The following KLF12 variants were observed in gnomAD, a reference collection of about 807,000 sequenced individuals.
KLF12 encodes Krueppel-like factor 12.
In KLF12, 9 loss-of-function variants were observed where a neutral mutation model predicts 37.8. That is an observed-to-expected ratio of 0.24 (90% CI 0.14 to 0.42). The LOEUF (loss-of-function observed/expected upper bound fraction) is 0.42, where lower values mean the gene tolerates loss of function less well. Ranked by LOEUF, KLF12 falls within the 10% of genes least tolerant of loss-of-function variation. KLF12 has a pLI of 1.00. For missense variants in KLF12, 411 were observed against 516.0 expected (o/e 0.80, Z 1.97); for synonymous variants, 208 against 202.1 (o/e 1.03, Z -0.25).
At chr13:73,971,778 C>A (rs28444995) in intron 2 of KLF12, among the ~76,000 whole-genome samples, 7,939 of 152,276 alleles carry the variant, frequency 0.052, 455 homozygotes, top group African/African-American at 0.14. Flanking sequence ...GACTGTAATA[C>A]TACCACTTTG....
the KLF12 span, among the ~76,000 whole-genome samples, chr13:74,187,589 T>C: frequency 2.6e-5 from 4 of 152,200 alleles, no homozygotes; most frequent in African/African-American, 7.2e-5. Context: ...CAGCATTCCA[T>C]TGGGAACATA....
chr13:73,784,304 T>A (rs570972181), intron 5 of KLF12, among the ~76,000 whole-genome samples: 1 of 152,132 alleles, frequency 6.6e-6, no homozygotes, highest in East Asian at 1.9e-4. Context: ...GGGTTCTCAA[T>A]ATGTATAAAA....
At chr13:73,720,391 G>A (rs932404295) in intron 6 of KLF12, among the ~76,000 whole-genome samples, 1 of 152,076 alleles carries the variant, frequency 6.6e-6, no homozygotes, top group African/African-American at 2.4e-5. Flanking sequence ...AGTAACTACT[G>A]CATACACCAG....
the KLF12 span, among the ~76,000 whole-genome samples, chr13:74,220,587 T>A: frequency 1.3e-5 from 2 of 152,240 alleles, no homozygotes; most frequent in Admixed American, 1.3e-4. Context: ...TATAATGTTG[T>A]AAACCATCAT....
chr13:74,186,615 G>T, the KLF12 span, among the ~76,000 whole-genome samples: 1 of 152,128 alleles, frequency 6.6e-6, no homozygotes, highest in Non-Finnish European at 1.5e-5. Context: ...AACATCCCAA[G>T]GTGGTGTGTG....
At chr13:74,120,908 A>T (rs1877590988) in intron 1 of KLF12, among the ~76,000 whole-genome samples, 1 of 152,162 alleles carries the variant, frequency 6.6e-6, no homozygotes, top group African/African-American at 2.4e-5. Flanking sequence ...AGAAGATTAT[A>T]TAAAATACTA....
chr13:73,973,641 A>ATGTCACAG (rs59407662), intron 2 of KLF12, among the ~76,000 whole-genome samples: 1 of 151,956 alleles, frequency 6.6e-6, no homozygotes, highest in African/African-American at 2.4e-5. Context: ...AACCAACACA[A>ATGTCACAG]GACATAGAAC....
rs141390687 is a variant in KLF12 at position 73,994,754 on chromosome 13, A to C, written c.33+236T>G. Reference sequence around the variant, plus strand: ...AAGTTGATTCTTAAAATACCAGCTTAAGTTCTGGAAAAGAATTACAGCTAG... The same window carrying C: ...AAGTTGATTCTTAAAATACCAGCTTCAGTTCTGGAAAAGAATTACAGCTAG... On this transcript the variant is annotated intron_variant, in intron 2 of 7. Coordinates refer to ENST00000377669, the MANE Select transcript of KLF12 (RefSeq NM_007249.5). Among the ~76,000 whole-genome samples, 268 of 152,316 alleles carry C rather than the reference A, an allele frequency of 1.8e-3. 1 individual carries two copies. Among genetic ancestry groups the C allele is most frequent in the African/African-American group, 6.0e-3 (251 of 41,568 alleles).
At chr13:73,750,757 A>AT (rs1878693149) in intron 6 of KLF12, among the ~76,000 whole-genome samples, 1 of 152,116 alleles carries the variant, frequency 6.6e-6, no homozygotes, top group Admixed American at 6.5e-5. Context: ...CCCAGAATGC[A>AT]TTAGCTATTT....
chr13:74,109,544 T>G (rs548560363), intron 1 of KLF12, among the ~76,000 whole-genome samples: 26 of 152,276 alleles, frequency 1.7e-4, no homozygotes, highest in African/African-American at 6.3e-4. Flanking sequence ...GGAAACTTCC[T>G]CATGTATTAG....
chr13:73,723,208 A>C lies in KLF12; in HGVS notation c.870-7683T>G, dbSNP rs376517232. 2.7e-4 allele frequency among the ~76,000 whole-genome samples: 41 copies of C among 152,320 alleles called. 1 individual carries two copies. In the Middle Eastern group the frequency reaches 0.01, roughly 38 times the overall value. The stretch of plus-strand genomic sequence containing the variant: ...GTTGAAAGAGGATTGTTGGCTAACA[A>C]AAAAATGCCTATTTCAGATATAGAG... On this transcript the variant is annotated intron_variant, in intron 6 of 7. Coordinates refer to ENST00000377669, the MANE Select transcript of KLF12 (RefSeq NM_007249.5).
chr13:73,809,258 T>C (rs1363806308), intron 5 of KLF12, among the ~76,000 whole-genome samples: 1 of 152,190 alleles, frequency 6.6e-6, no homozygotes, highest in African/African-American at 2.4e-5. Context: ...ATTTTATCCT[T>C]TTGTTATTTA....
intron 6 of KLF12, among the ~76,000 whole-genome samples, chr13:73,725,972 G>A (rs57399772): frequency 0.037 from 5,609 of 151,832 alleles, 359 homozygotes; most frequent in African/African-American, 0.13. Context: ...AGGTCCAAGC[G>A]ATTCTCCTGC....
chr13:73,928,678 A>C (rs553289743), intron 3 of KLF12, among the ~76,000 whole-genome samples: 2 of 152,194 alleles, frequency 1.3e-5, no homozygotes, highest in African/African-American at 2.4e-5. Flanking sequence ...ACCTGCAAAA[A>C]TCAATGATTT....
At chr13:73,800,305 G>C (rs894728675) in intron 5 of KLF12, 2 of 151,930 alleles carry the variant, frequency 1.3e-5, no homozygotes, top group African/African-American at 4.8e-5. Flanking sequence ...TAGCTGTTAC[G>C]GATTTTAAAA....
the KLF12 span, among the ~76,000 whole-genome samples, chr13:74,266,357 T>C: frequency 6.6e-6 from 1 of 152,182 alleles, no homozygotes; most frequent in African/African-American, 2.4e-5. Flanking sequence ...GGCATTATGA[T>C]CTGAATTTCC....
chr13:74,289,059 G>A, the KLF12 span: 1 of 152,130 alleles, frequency 6.6e-6, no homozygotes, highest in Admixed American at 6.5e-5. Context: ...ACAACACCCA[G>A]ATAAACTTAA....
intron 5 of KLF12, among the ~76,000 whole-genome samples, chr13:73,780,075 A>C (rs984312456): frequency 6.6e-6 from 1 of 152,220 alleles, no homozygotes; most frequent in African/African-American, 2.4e-5. Context: ...AGAAATAGCA[A>C]GAGAACTAGA....
chr13:74,077,389 T>G (rs577108768), intron 1 of KLF12, among the ~76,000 whole-genome samples: 1 of 152,256 alleles, frequency 6.6e-6, no homozygotes, highest in Non-Finnish European at 1.5e-5. Context: ...GGGTATATTC[T>G]ATACTAAAAG....
Sources: allele counts gnomAD v4.1 joint callset (sites outside exome capture counted in the v4.1 genomes callset), GRCh38; gene constraint gnomAD v4.1.1; transcripts MANE v1.5; gene names NCBI Gene and HGNC (gene_info 2026-07-23, HGNC 2026-07-21).